Variants in TNKS1BP1 observed in about 807,000 individuals in gnomAD.
TNKS1BP1 encodes the protein CCR4-NOT transcription complex subunit 12, also known as 182 kDa tankyrase-1-binding protein.
A neutral mutation model predicts 141.1 loss-of-function variants in TNKS1BP1; 48 were observed. That is an observed-to-expected ratio of 0.34 (90% CI 0.27 to 0.43). The LOEUF is 0.43. Ranked by LOEUF, TNKS1BP1 falls within the 20% of genes least tolerant of loss-of-function variation. The pLI is 1.00. For synonymous variants in TNKS1BP1, 875 were observed against 898.2 expected (o/e 0.97, Z 0.46); for missense variants, 2,149 against 2,226.0 (o/e 0.97, Z 0.70).
At chr11:57,321,747 CA>C in intron 2 of TNKS1BP1, 44 bp downstream of exon 2, 10 of 1,004,254 alleles carry the variant, frequency 1.0e-5, no homozygotes, top group South Asian at 2.7e-5. Context: ...CTGTCCTTCC[CA>C]CCCCCCTCCC....
chr11:57,310,618 C>A (rs1286416848), intron 5 of TNKS1BP1, 62 bp from the exon 6 acceptor site: 13 of 1,545,816 alleles, frequency 8.4e-6, no homozygotes, highest in Non-Finnish European at 1.1e-5. Flanking sequence ...GGGTGGGAGT[C>A]AATCCAGCAG....
intron 2 of TNKS1BP1, among the ~76,000 whole-genome samples, chr11:57,321,552 T>C (rs913732140): frequency 2.3e-4 from 35 of 152,306 alleles, no homozygotes; most frequent in African/African-American, 7.9e-4. Context: ...GCTTGATCCA[T>C]ATCATCTCAA....
chr11:57,309,457 C>T lies in TNKS1BP1; in HGVS notation c.3254G>A (p.Gly1085Asp), dbSNP rs760809695. Residue 1085 changes from glycine (G) to aspartate (D), a missense_variant, in exon 6 of 12, where the codon GGC becomes GAC. Transcript: ENST00000358252. This position sits in a 1 kb window ranked among gnomAD's most constrained non-coding sequence, Gnocchi z 4.3. ...DLEDGEMGKR[G>D]WVGEFSLSVG... The stretch of plus-strand genomic sequence containing the variant: ...ACTGAGGCTAAACTCACCGACCCAG[C>T]CTCGCTTTCCCATCTCCCCATCTTC... 1 of 1,614,094 alleles carries T rather than the reference C, an allele frequency of 6.2e-7. No individual in the cohort carries two copies. The highest frequency in any genetic ancestry group is 8.5e-7 in the Non-Finnish European group (1 of 1,180,032).
At position 57,301,816 on chromosome 11, in the gene TNKS1BP1, T is replaced by C; in HGVS notation, c.4962A>G (p.Ser1654=). ...KVNLFPGLSP[S]ALKAKLRPRN... Reference sequence around the variant, plus strand: ...AATGATCAGATGGTACCTTCAGGGCTGAGGGGCTCAGGCCAGGAAAGAGGT... The same window carrying C: ...AATGATCAGATGGTACCTTCAGGGCCGAGGGGCTCAGGCCAGGAAAGAGGT... The change falls in exon 9 of 12, where the codon TCA becomes TCG. Residue 1654 remains serine (S), a synonymous_variant. Transcript: ENST00000358252. 1 of 1,614,024 alleles carries C rather than the reference T, an allele frequency of 6.2e-7. No individual in the cohort carries two copies. The highest frequency in any genetic ancestry group is 8.5e-7 in the Non-Finnish European group (1 of 1,179,916).
Position 57,320,233 on chromosome 11 carries a change from C to A in TNKS1BP1, c.574G>T (p.Asp192Tyr). The change falls in exon 3 of 12, where the codon GAT becomes TAT. Residue 192 changes from aspartate (D) to tyrosine (Y), a missense_variant. Physicochemically the swap from Asp to Tyr is radical, Grantham distance 160. Transcript: ENST00000358252. ...CTGGGGCCATATCGCGAGCTGCCAT[C>A]GTGGTTAAAGGTGAGGCGGGAACCC... ...LWGSRLTFNHDGSSRYGPRTY... is the reference protein window; with the variant it reads ...LWGSRLTFNHYGSSRYGPRTY... 1.2e-6 allele frequency: 2 copies of A among 1,614,180 alleles called. No individual in the cohort carries two copies. The highest frequency in any genetic ancestry group is 1.7e-6 in the Non-Finnish European group (2 of 1,180,030).
rs1032316090 is a variant in TNKS1BP1 at position 57,308,538 on chromosome 11, T to G, written c.4173A>C (p.Arg1391Ser). 1.4e-5 allele frequency: 22 copies of G among 1,614,092 alleles called. No individual in the cohort carries two copies. The highest frequency in any genetic ancestry group is 1.8e-5 in the Non-Finnish European group (21 of 1,179,996). Residue 1391 changes from arginine to serine, a missense_variant, in exon 6 of 12, where the codon AGA (arginine) becomes AGC (serine). Physicochemically the swap from Arg to Ser is moderately radical, Grantham distance 110. Coordinates refer to ENST00000358252, the MANE Select transcript of TNKS1BP1 (RefSeq NM_033396.3). ...NGSLSPGLEA[R>S]DPLEARELGV... ...CCAGCTCCCTGGCCTCCAAGGGGTC[T>G]CTGGCCTCCAGGCCAGGAGACAAGC...
At chr11:57,311,560 G>C in intron 5 of TNKS1BP1, 1 of 672,976 alleles carries the variant, frequency 1.5e-6, no homozygotes, top group Non-Finnish European at 1.8e-6. Context: ...CCCACATCCC[G>C]GGACAGACAC....
intron 1 of TNKS1BP1, among the ~76,000 whole-genome samples, chr11:57,322,897 G>C (rs1855909855): frequency 6.6e-6 from 1 of 152,158 alleles, no homozygotes; most frequent in South Asian, 2.1e-4. Flanking sequence ...GTTCTGAGGG[G>C]GACAGAAGAA....
In TNKS1BP1 at chr11:57,320,403, C is replaced by T. The variant is rs755141871; in HGVS notation, c.404G>A (p.Arg135Gln). ...EEPPPLTPPA[R>Q]CAAPGGVRKA... The stretch of plus-strand genomic sequence containing the variant: ...CCGTACACCCCCTGGGGCTGCACAT[C>T]GAGCTGGGGGTGTCAAAGGGGGTGG... The change falls in exon 3 of 12, where the codon CGA becomes CAA. Residue 135 changes from arginine to glutamine, a missense_variant. Coordinates refer to ENST00000358252, the MANE Select transcript of TNKS1BP1 (RefSeq NM_033396.3). 3.1e-6 allele frequency: 5 copies of T among 1,612,182 alleles called. No individual in the cohort carries two copies. The highest frequency in any genetic ancestry group is 1.1e-5 in the South Asian group (1 of 91,024).
Position 57,309,762 on chromosome 11 carries a change from G to A in TNKS1BP1, c.2949C>T (p.Ser983=), listed in dbSNP as rs1475611932. 1 of 1,614,210 alleles carries A rather than the reference G, an allele frequency of 6.2e-7. No individual in the cohort carries two copies. The highest frequency in any genetic ancestry group is 8.5e-7 in the Non-Finnish European group (1 of 1,180,046). ...GGGCTTCCTCGGGGCTGAACCCAGA[G>A]CTCAGGGGTCTCGTTCCAAAGCTTC... ...QDRSFGTRPL[S]SGFSPEEAQQ... The change falls in exon 6 of 12, where the codon AGC becomes AGT. Residue 983 remains serine (S), a synonymous_variant. Coordinates refer to ENST00000358252, the MANE Select transcript of TNKS1BP1 (RefSeq NM_033396.3). This position sits in a 1 kb window ranked among gnomAD's most constrained non-coding sequence, Gnocchi z 4.3.
Position 57,321,904 on chromosome 11 carries a change from C to A in TNKS1BP1, c.-19G>T. 6.2e-7 allele frequency: 1 copy of A among 1,613,678 alleles called. No individual in the cohort carries two copies. Among genetic ancestry groups the A allele is most frequent in the Non-Finnish European group, 8.5e-7 (1 of 1,179,746 alleles). ...CTTTCATCACATGCGGCAGACCCTCCTTGAGAGCGGGGAGGCAGAGAGGTA... is the reference window on the plus strand; with the variant it reads ...CTTTCATCACATGCGGCAGACCCTCATTGAGAGCGGGGAGGCAGAGAGGTA... On this transcript the variant is annotated 5_prime_UTR_variant, in exon 2 of 12. It adds an upstream start codon to the 5' untranslated region. Coordinates refer to ENST00000358252, the MANE Select transcript of TNKS1BP1 (RefSeq NM_033396.3).
chr11:57,301,277 C>A (rs1855520589), intron 9 of TNKS1BP1, among the ~76,000 whole-genome samples: 1 of 152,160 alleles, frequency 6.6e-6, no homozygotes, highest in African/African-American at 2.4e-5. Flanking sequence ...TTCAGACAAA[C>A]TGGGTGGGAC....
chr11:57,313,451 T>C lies in TNKS1BP1; in HGVS notation c.1237A>G (p.Lys413Glu), dbSNP rs765716304. The C allele has an allele frequency of 6.2e-7, 1 of 1,601,776 alleles. No individual in the cohort carries two copies. Among genetic ancestry groups the C allele is most frequent in the Non-Finnish European group, 8.5e-7 (1 of 1,172,962 alleles). ...TFPSGGEEEA[K>E]GDAHLRPTSL... is the part of the protein sequence containing the mutation. ...GTGGGGCGGAGGTGTGCGTCACCCTTGGCCTCCTCCTCCCCGCCAGATGGA... is the reference window on the plus strand; with the variant it reads ...GTGGGGCGGAGGTGTGCGTCACCCTCGGCCTCCTCCTCCCCGCCAGATGGA... Residue 413 changes from lysine (K) to glutamate (E), a missense_variant, in exon 5 of 12, where the codon AAG (lysine) becomes GAG (glutamate). Lys to Glu is a moderately conservative substitution (Grantham distance 56). Coordinates refer to ENST00000358252, the MANE Select transcript of TNKS1BP1 (RefSeq NM_033396.3).
chr11:57,312,396 A>G (rs941022564), intron 5 of TNKS1BP1, 138 bp downstream of exon 5: 4 of 911,208 alleles, frequency 4.4e-6, no homozygotes, highest in Non-Finnish European at 6.0e-6. Flanking sequence ...CAGAGCTACA[A>G]TCTGCAGGTC....
Position 57,313,582 on chromosome 11 carries a change from C to T in TNKS1BP1, c.1106G>A (p.Ser369Asn), listed in dbSNP as rs745423934. 3.1e-6 allele frequency: 5 copies of T among 1,590,976 alleles called. No homozygotes were observed. In the African/African-American group the frequency reaches 6.7e-5, roughly 21 times the overall value. ...GGGCTCCAAGACCTCAGGGGGTGGG[C>T]TGCTGGGTCTGGGGGCCTCTGGAGC... The part of the protein sequence containing the change: ...EGAPEAPRPS[S>N]PPPEVLEPHS... Residue 369 changes from serine to asparagine, a missense_variant, in exon 5 of 12, where the codon AGC (serine) becomes AAC (asparagine). Physicochemically the swap from Ser to Asn is conservative, Grantham distance 46. Coordinates refer to ENST00000358252, the MANE Select transcript of TNKS1BP1 (RefSeq NM_033396.3).
rs1855539922 is a variant in TNKS1BP1 at position 57,302,443 on chromosome 11, C to A, written c.4683+16G>T. On this transcript the variant is annotated intron_variant, in intron 7 of 11. Transcript: ENST00000358252. The surrounding 1 kb of genome is among the most constrained non-coding windows in gnomAD (Gnocchi z 5.5). ...GCCCTCACCCACCCACTGTCATGGG[C>A]TCACCCTCCACTGACCTCAATGAAG... 1.3e-6 allele frequency: 2 copies of A among 1,576,128 alleles called. No homozygotes were observed. Among genetic ancestry groups the A allele is most frequent in the Non-Finnish European group, 1.7e-6 (2 of 1,157,008 alleles).
chr11:57,307,128 AG>A (rs1855625597), intron 6 of TNKS1BP1, among the ~76,000 whole-genome samples: 1 of 152,052 alleles, frequency 6.6e-6, no homozygotes, highest in African/African-American at 2.4e-5. Flanking sequence ...GGGTGTGCAA[AG>A]TTCTATGAGT....
chr11:57,309,349 C>T lies in TNKS1BP1; in HGVS notation c.3362G>A (p.Ser1121Asn), dbSNP rs1302224851. 11 of 1,614,048 alleles carry T rather than the reference C, an allele frequency of 6.8e-6. No homozygotes were observed. The highest frequency in any genetic ancestry group is 9.3e-6 in the Non-Finnish European group (11 of 1,180,054). Residue 1121 changes from serine to asparagine, a missense_variant, in exon 6 of 12, where the codon AGC (serine) becomes AAC (asparagine). Ser to Asn is a conservative substitution (Grantham distance 46). Transcript: ENST00000358252. This position sits in a 1 kb window ranked among gnomAD's most constrained non-coding sequence, Gnocchi z 4.3. ...RDFCIEASER[S>N]YQFGIIGNDR... is the part of the protein sequence containing the mutation. ...GTTGCCAATGATGCCAAACTGATAGCTCCTCTCACTGGCCTCGATGCAGAA... is the reference window on the plus strand; with the variant it reads ...GTTGCCAATGATGCCAAACTGATAGTTCCTCTCACTGGCCTCGATGCAGAA...
chr11:57,311,681 A>T (rs1029484798), intron 5 of TNKS1BP1, among the ~76,000 whole-genome samples: 5 of 150,586 alleles, frequency 3.3e-5, no homozygotes, highest in Non-Finnish European at 5.9e-5. Flanking sequence ...CTTGCAGCCC[A>T]GGCCCGGCTT....
Sources: gnomAD v4.1 joint callset for allele counts (sites outside exome capture counted in the v4.1 genomes callset) on GRCh38, gnomAD v4.1.1 for gene constraint, Gnocchi (gnomAD v3.1) non-coding constraint, MANE v1.5 for transcripts, NCBI Gene and HGNC (gene_info 2026-07-23, HGNC 2026-07-21) for gene names.